Variants in NTRK3 observed in about 807,000 individuals in gnomAD.
NTRK3 encodes neurotrophic receptor tyrosine kinase 3, also known as NT-3 growth factor receptor.
NTRK3 carries 24 observed loss-of-function variants against 91.7 expected under a neutral mutation model. The ratio of observed to expected loss-of-function variants is 0.26; its 90% CI spans 0.19 to 0.37. The LOEUF is 0.37. Ranked by LOEUF, NTRK3 falls within the 10% of genes least tolerant of loss-of-function variation. The pLI is 1.00. For synonymous variants in NTRK3, 483 were observed against 404.0 expected, an observed-to-expected ratio of 1.20 and a Z score of -2.34; for missense variants, 880 against 1,068.9, an observed-to-expected ratio of 0.82 and a Z score of 2.46.
At chr15:87,919,688 G>T (rs1048636257) in intron 17 of NTRK3, among the ~76,000 whole-genome samples, 1 of 152,116 alleles carries the variant, frequency 6.6e-6, no homozygotes, top group African/African-American at 2.4e-5. Context: ...TACCCACCAG[G>T]GTGAATCTTG....
intron 17 of NTRK3, among the ~76,000 whole-genome samples, chr15:87,914,974 C>T (rs894044654): frequency 3.3e-5 from 5 of 151,974 alleles, no homozygotes; most frequent in South Asian, 2.1e-4. Flanking sequence ...GTGATAACAG[C>T]GGTGGCTATG....
At chr15:87,905,182 A>G (rs2066690539) in intron 17 of NTRK3, among the ~76,000 whole-genome samples, 1 of 152,224 alleles carries the variant, frequency 6.6e-6, no homozygotes, top group African/African-American at 2.4e-5. Flanking sequence ...CTCTACCCCT[A>G]TGACACATGT....
intron 13 of NTRK3, among the ~76,000 whole-genome samples, chr15:88,068,800 G>A (rs571097343): frequency 2.0e-5 from 3 of 152,152 alleles, no homozygotes; most frequent in East Asian, 1.9e-4. Flanking sequence ...CAGATTTTGG[G>A]GCTCCAGGGA....
intron 5 of NTRK3, among the ~76,000 whole-genome samples, chr15:88,148,268 A>G (rs756322471): frequency 1.6e-4 from 24 of 152,226 alleles, no homozygotes; most frequent in Admixed American, 2.6e-4. Flanking sequence ...ACACGCACCT[A>G]TATTTGGATG....
At chr15:87,973,236 C>A (rs2073412672) in intron 14 of NTRK3, among the ~76,000 whole-genome samples, 2 of 152,126 alleles carry the variant, frequency 1.3e-5, no homozygotes, top group South Asian at 2.1e-4. Flanking sequence ...ACCTTATCAC[C>A]CGTGCAGAAA....
At chr15:87,937,371 T>A (rs1163393294) in intron 15 of NTRK3, among the ~76,000 whole-genome samples, 1 of 152,182 alleles carries the variant, frequency 6.6e-6, no homozygotes, top group Non-Finnish European at 1.5e-5. Flanking sequence ...AAAAACCTGC[T>A]AAAGGTCAGT....
intron 10 of NTRK3, among the ~76,000 whole-genome samples, chr15:88,129,563 T>C (rs1276536463): frequency 2.0e-5 from 3 of 152,188 alleles, no homozygotes; most frequent in Admixed American, 6.5e-5. Context: ...CAGATGGTGA[T>C]TGCTACCAAC....
At chr15:87,968,079 G>C (rs753032463) in intron 14 of NTRK3, among the ~76,000 whole-genome samples, 40 of 152,152 alleles carry the variant, frequency 2.6e-4, no homozygotes, top group Non-Finnish European at 5.1e-4. Flanking sequence ...TAGTAAGATA[G>C]TGTATGCCTT....
At chr15:87,963,495 T>C (rs2072498549) in intron 14 of NTRK3, among the ~76,000 whole-genome samples, 1 of 152,218 alleles carries the variant, frequency 6.6e-6, no homozygotes, top group Admixed American at 6.5e-5. Context: ...ACTTTTCAAT[T>C]TCACTATGGT....
At chr15:88,204,001 A>G (rs1380330003) in intron 3 of NTRK3, among the ~76,000 whole-genome samples, 1 of 152,140 alleles carries the variant, frequency 6.6e-6, no homozygotes, top group Non-Finnish European at 1.5e-5. Context: ...CACATGCATT[A>G]GGTATTTGTC....
chr15:88,025,264 G>A (rs1401785372), intron 14 of NTRK3, among the ~76,000 whole-genome samples: 1 of 152,240 alleles, frequency 6.6e-6, no homozygotes, highest in Non-Finnish European at 1.5e-5. Context: ...CACGTGTCTA[G>A]ATATTTATGC....
At position 87,981,379 on chromosome 15, in the gene NTRK3, A is replaced by C. The variant is rs749130292; in HGVS notation, c.1586-40626T>G. On this transcript the variant is annotated intron_variant, in intron 14 of 18. Coordinates refer to ENST00000394480, the Ensembl canonical transcript of NTRK3. ...AAGACCCCTGGCAGAAGAGGCAGAC[A>C]TGGGGGAATTAATGGTCAGTATTAA... The C allele has an allele frequency of 2.5e-6, 4 of 1,613,918 alleles. No homozygotes were observed. In the Admixed American group the frequency reaches 6.7e-5, roughly 27 times the overall value.
intron 5 of NTRK3, among the ~76,000 whole-genome samples, chr15:88,149,563 T>A (rs538884093): frequency 6.6e-6 from 1 of 152,172 alleles, no homozygotes; most frequent in South Asian, 2.1e-4. Flanking sequence ...AAACCCCTAA[T>A]GACTATACAG....
At chr15:88,015,041 T>C (rs2077131362) in intron 14 of NTRK3, among the ~76,000 whole-genome samples, 1 of 152,190 alleles carries the variant, frequency 6.6e-6, no homozygotes, top group Non-Finnish European at 1.5e-5. Flanking sequence ...TACATAACGT[T>C]CCCTGTGCTG....
At chr15:88,073,720 G>A (rs11637243) in intron 13 of NTRK3, among the ~76,000 whole-genome samples, 362 of 152,270 alleles carry the variant, frequency 2.4e-3, no homozygotes, top group Non-Finnish European at 3.9e-3. Flanking sequence ...GAGAGAAGAA[G>A]GCAAGAGAGA....
At chr15:87,931,420 C>T (rs1249652183) in intron 16 of NTRK3, among the ~76,000 whole-genome samples, 1 of 152,228 alleles carries the variant, frequency 6.6e-6, no homozygotes, top group Non-Finnish European at 1.5e-5. Context: ...CTACCATTGG[C>T]TGATCACTGA....
intron 14 of NTRK3, among the ~76,000 whole-genome samples, chr15:87,958,063 G>A (rs756013090): frequency 1.4e-4 from 21 of 152,112 alleles, no homozygotes; most frequent in African/African-American, 4.3e-4. Context: ...ATGGGAGTTC[G>A]TGTTGATTCA....
chr15:88,055,677 G>A (rs917438731), intron 13 of NTRK3, among the ~76,000 whole-genome samples: 3 of 152,074 alleles, frequency 2.0e-5, no homozygotes, highest in African/African-American at 7.2e-5. Flanking sequence ...AATTGCCCAA[G>A]TTCACTCAAT....
At position 88,233,179 on chromosome 15, in the gene NTRK3, G is replaced by T. The variant is rs912359772; in HGVS notation, c.248+22727C>A. Among the ~76,000 whole-genome samples the T allele has an allele frequency of 6.6e-6, 1 of 152,094 alleles. No individual in the cohort carries two copies. Among genetic ancestry groups the T allele is most frequent in the Non-Finnish European group, 1.5e-5 (1 of 67,998 alleles). On this transcript the variant is annotated intron_variant, in intron 3 of 18. Coordinates refer to ENST00000394480, the Ensembl canonical transcript of NTRK3. This position sits in a 1 kb window ranked among gnomAD's most constrained non-coding sequence, Gnocchi z 4.2. ...CTATTTTCCTCTGGAGCTAAAGCCT[G>T]AATAAGCAAAAAGAAAAAATTAAAA... is the stretch of plus-strand genomic sequence containing the variant.
Sources: allele counts gnomAD v4.1 joint callset (sites outside exome capture counted in the v4.1 genomes callset), GRCh38; gene constraint gnomAD v4.1.1; non-coding constraint Gnocchi (gnomAD v3.1); transcripts MANE v1.5; gene names NCBI Gene and HGNC (gene_info 2026-07-23, HGNC 2026-07-21).